RGS6: variants seen among roughly 807,000 people sequenced by gnomAD.
RGS6 encodes regulator of G-protein signaling 6.
Under a neutral mutation model 78.5 loss-of-function variants are expected in RGS6, and 30 were observed. The ratio of observed to expected loss-of-function variants is 0.38; its 90% CI spans 0.29 to 0.52. The LOEUF is 0.52. Among genes scored for constraint, RGS6 ranks in the 20% least tolerant of loss-of-function variants. The probability of loss-of-function intolerance (pLI) is 0.85; values close to 1 mark genes in which losing one functional copy is unlikely to be tolerated. For synonymous variants in RGS6, 206 were observed against 206.0 expected, an observed-to-expected ratio of 1.00 and a Z score of 0.00; for missense variants, 495 against 609.7, an observed-to-expected ratio of 0.81 and a Z score of 1.98.
rs17107138 is a variant in RGS6 at position 72,095,566 on chromosome 14, C to T, written c.84+130691C>T. On this transcript the variant is annotated intron_variant, in intron 2 of 17. Transcript: ENST00000553525. ...ATTCAAAATGGCTGTAACAGTGTCA[C>T]GTTGGCTGCACCTGTTTCAAAGAAA... Among the ~76,000 whole-genome samples, 1,081 of 152,286 alleles carry T rather than the reference C, an allele frequency of 7.1e-3. 39 individuals carry two copies. The highest frequency in any genetic ancestry group is 0.062 in the Admixed American group (942 of 15,292).
chr14:72,214,384 A>G (rs1248386974), intron 2 of RGS6, among the ~76,000 whole-genome samples: 1 of 152,074 alleles, frequency 6.6e-6, no homozygotes, highest in Non-Finnish European at 1.5e-5. Flanking sequence ...CACCATACTG[A>G]CACTGTTTTA....
intron 2 of RGS6, among the ~76,000 whole-genome samples, chr14:72,184,918 A>T (rs544255640): frequency 2.6e-5 from 4 of 152,210 alleles, no homozygotes; most frequent in Non-Finnish European, 5.9e-5. Context: ...ATTGACTCAC[A>T]TCATCACAAG....
intron 2 of RGS6, among the ~76,000 whole-genome samples, chr14:72,277,294 T>C (rs2060829408): frequency 6.6e-6 from 1 of 152,232 alleles, no homozygotes; most frequent in Non-Finnish European, 1.5e-5. Flanking sequence ...CATCCATTGT[T>C]TGCCTTTTAA....
At position 72,519,162 on chromosome 14, in the gene RGS6, G is replaced by T. The variant is rs377391761; in HGVS notation, c.1278+625G>T. Reference sequence around the variant, plus strand: ...TAGGTTAAAGCAAGCCTGCAGGAGGGACTCCCAACCCTGTAGGACACAATT... The same window carrying T: ...TAGGTTAAAGCAAGCCTGCAGGAGGTACTCCCAACCCTGTAGGACACAATT... On this transcript the variant is annotated intron_variant, in intron 15 of 17. Coordinates refer to ENST00000553525, the MANE Select transcript of RGS6 (RefSeq NM_001204424.2). Among the ~76,000 whole-genome samples, 38 of 152,316 alleles carry T rather than the reference G, an allele frequency of 2.5e-4. No individual in the cohort carries two copies. The East Asian group carries it at 3.9e-3, about 15-fold the overall frequency.
intron 2 of RGS6, among the ~76,000 whole-genome samples, chr14:72,028,189 C>G (rs1473272694): frequency 6.6e-6 from 1 of 152,198 alleles, no homozygotes; most frequent in East Asian, 1.9e-4. Context: ...TCATCAATCT[C>G]AACTACTGAA....
chr14:72,275,690 T>C (rs1181403875), intron 2 of RGS6, among the ~76,000 whole-genome samples: 1 of 152,248 alleles, frequency 6.6e-6, no homozygotes, highest in Admixed American at 6.5e-5. Flanking sequence ...TTTCTCTTTC[T>C]GTCCTTCCAC....
At chr14:71,946,310 A>T (rs1228184082) in intron 1 of RGS6, among the ~76,000 whole-genome samples, 1 of 152,132 alleles carries the variant, frequency 6.6e-6, no homozygotes, top group Non-Finnish European at 1.5e-5. Flanking sequence ...GGTTACTGAA[A>T]GAGAGTGTGT....
intron 13 of RGS6, among the ~76,000 whole-genome samples, chr14:72,496,136 C>T (rs1179812847): frequency 6.6e-6 from 1 of 152,146 alleles, no homozygotes; most frequent in Non-Finnish European, 1.5e-5. Flanking sequence ...TTCAAATTAT[C>T]CAGATGTGCA....
chr14:72,279,751 G>A (rs76783181), intron 2 of RGS6, among the ~76,000 whole-genome samples: 2,222 of 152,310 alleles, frequency 0.015, 29 homozygotes, highest in Non-Finnish European at 0.024. Flanking sequence ...CAGAGTTAAA[G>A]ACATGAGAAT....
At chr14:72,231,745 T>C (rs940641810) in intron 2 of RGS6, among the ~76,000 whole-genome samples, 3 of 152,030 alleles carry the variant, frequency 2.0e-5, no homozygotes, top group Non-Finnish European at 4.4e-5. Context: ...GCGTGGGCTA[T>C]GAATATATAG....
chr14:72,207,526 A>C (rs568445789), intron 2 of RGS6, among the ~76,000 whole-genome samples: 1 of 152,272 alleles, frequency 6.6e-6, no homozygotes, highest in East Asian at 1.9e-4. Context: ...CATTGCCCTC[A>C]AGATAAATTT....
chr14:72,030,255 G>A (rs1047138233), intron 2 of RGS6, among the ~76,000 whole-genome samples: 1 of 151,994 alleles, frequency 6.6e-6, no homozygotes, highest in African/African-American at 2.4e-5. Context: ...TGCACACAGT[G>A]GTAGATGTAA....
intron 2 of RGS6, among the ~76,000 whole-genome samples, chr14:72,060,819 T>C (rs2093857041): frequency 1.3e-5 from 2 of 152,242 alleles, no homozygotes; most frequent in Admixed American, 1.3e-4. Context: ...TAATGTAGTT[T>C]AATTTTACTT....
At position 72,363,999 on chromosome 14, in the gene RGS6, TAAAAAAAAAA is replaced by T. The variant is rs55943058; in HGVS notation, c.184+11823_184+11832del. On this transcript the variant is annotated intron_variant, in intron 3 of 17. Transcript: ENST00000553525. ...ACCATCACTTGTCAGTGGACAAGGC[TAAAAAAAAAA>T]AAAAAAAAAAAAAAAAACTCTATAT... Among the ~76,000 whole-genome samples the T allele has an allele frequency of 8.5e-5, 4 of 46,802 alleles. 1 individual carries two copies. Among genetic ancestry groups the T allele is most frequent in the African/African-American group, 2.6e-4 (4 of 15,210 alleles). The allele number at this position is 46,802 out of a possible 152,430, so 30.7% of individuals were successfully genotyped here. A position where few individuals can be genotyped will look rare whatever the true frequency, so the allele number is the denominator to read the frequency against.
At chr14:71,953,146 A>G (rs2092483737) in intron 1 of RGS6, among the ~76,000 whole-genome samples, 1 of 152,182 alleles carries the variant, frequency 6.6e-6, no homozygotes, top group South Asian at 2.1e-4. Flanking sequence ...GAAGAGAGGG[A>G]AGACCCAAGC....
chr14:72,184,365 T>C (rs1167466296), intron 2 of RGS6, among the ~76,000 whole-genome samples: 3 of 80,028 alleles, frequency 3.7e-5, no homozygotes, highest in Non-Finnish European at 7.6e-5. Context: ...GTATTTTACT[T>C]TCAAACACAC....
At chr14:72,560,128 A>G (rs924505728) in intron 17 of RGS6, among the ~76,000 whole-genome samples, 1 of 151,894 alleles carries the variant, frequency 6.6e-6, no homozygotes, top group African/African-American at 2.4e-5. Context: ...CCCATCCACC[A>G]GCTAAATGAG....
chr14:72,105,908 T>C (rs1009064063), intron 2 of RGS6, among the ~76,000 whole-genome samples: 2 of 152,206 alleles, frequency 1.3e-5, no homozygotes, highest in Non-Finnish European at 2.9e-5. Context: ...TGAAATATTT[T>C]TCCTATGAGA....
chr14:72,197,608 A>G (rs1365017888), intron 2 of RGS6, among the ~76,000 whole-genome samples: 1 of 152,248 alleles, frequency 6.6e-6, no homozygotes, highest in Non-Finnish European at 1.5e-5. Context: ...TTTAAAAATT[A>G]AAATTGTGAC....
Sources: gnomAD v4.1 joint callset for allele counts (sites outside exome capture counted in the v4.1 genomes callset) on GRCh38, gnomAD v4.1.1 for gene constraint, MANE v1.5 for transcripts, NCBI Gene and HGNC (gene_info 2026-07-23, HGNC 2026-07-21) for gene names.